Variants in CBLN4 observed in about 807,000 individuals in gnomAD.
The protein encoded by CBLN4 is cerebellin 4 precursor, also known as cerebellin-4.
In CBLN4, 7 loss-of-function variants were observed where a neutral mutation model predicts 14.9. The observed-to-expected ratio is 0.47, with a 90% CI of 0.27 to 0.88. The LOEUF is 0.88. CBLN4 is among the 40% of genes least tolerant of loss of function. CBLN4 has a pLI of 0.14. For missense variants in CBLN4, 188 were observed against 256.8 expected (o/e 0.73, Z 1.83); for synonymous variants, 131 against 116.5 (o/e 1.12, Z -0.80).
chr20:55,998,962 G>A (rs887328141), intron 2 of CBLN4, among the ~76,000 whole-genome samples: 1 of 151,508 alleles, frequency 6.6e-6, no homozygotes, highest in African/African-American at 2.4e-5. Flanking sequence ...TTTCTGATTG[G>A]AATTTCCTTA....
In CBLN4 at chr20:55,997,391, A is replaced by G. The variant is rs1481081728; in HGVS notation, c.*1166T>C. The G allele has an allele frequency of 6.6e-6, 1 of 152,566 alleles. No homozygotes were observed. The highest frequency in any genetic ancestry group is 1.5e-5 in the Non-Finnish European group (1 of 68,030). 9.5% of individuals were successfully genotyped at this position (152,566 alleles called of 1,614,324 possible). A position where few individuals can be genotyped will look rare whatever the true frequency, so the allele number is the denominator to read the frequency against. ...GAAGAGACAAAGTAAGAGGAAATAA[A>G]TAATGTAGAATACATATTTCCAAAA... On this transcript the variant is annotated 3_prime_UTR_variant, in exon 3 of 3. Coordinates refer to ENST00000064571, the MANE Select transcript of CBLN4 (RefSeq NM_080617.6).
At chr20:55,999,160 G>A (rs1449343561) in intron 2 of CBLN4, among the ~76,000 whole-genome samples, 1 of 152,164 alleles carries the variant, frequency 6.6e-6, no homozygotes, top group Non-Finnish European at 1.5e-5. Context: ...ACTGACATAA[G>A]AGACCCAGAT....
chr20:56,000,289 C>T (rs944993874), intron 2 of CBLN4, among the ~76,000 whole-genome samples: 1 of 152,166 alleles, frequency 6.6e-6, no homozygotes, highest in African/African-American at 2.4e-5. Flanking sequence ...TAGACTTATT[C>T]TTACTGATTA....
At chr20:56,001,573 G>T (rs1986373535) in intron 1 of CBLN4, among the ~76,000 whole-genome samples, 1 of 152,038 alleles carries the variant, frequency 6.6e-6, no homozygotes, top group Non-Finnish European at 1.5e-5. Context: ...GTCAGCCCTT[G>T]TGGGCTGCCA....
chr20:56,001,900 G>C (rs1375900866), intron 1 of CBLN4, among the ~76,000 whole-genome samples: 2 of 152,056 alleles, frequency 1.3e-5, no homozygotes, highest in Admixed American at 6.5e-5. Flanking sequence ...AAAATAACCA[G>C]GGTTTGTTCC....
At chr20:56,002,214 AT>A (rs967731628) in intron 1 of CBLN4, among the ~76,000 whole-genome samples, 1 of 152,140 alleles carries the variant, frequency 6.6e-6, no homozygotes, top group Non-Finnish European at 1.5e-5. Flanking sequence ...TAAGCATCAG[AT>A]TTTTTTTGTA....
At chr20:55,999,064 C>T (rs1424909497) in intron 2 of CBLN4, among the ~76,000 whole-genome samples, 1 of 152,070 alleles carries the variant, frequency 6.6e-6, no homozygotes, top group African/African-American at 2.4e-5. Context: ...TACTGCTTTA[C>T]TTAACTCTTC....
chr20:56,004,197 C>A lies in CBLN4; in HGVS notation c.-26G>T. ...GGTGAGCCGTGTGGGCAGCCGCAGC[C>A]GGCTGGCGCTGGTGCTCGCCCGCGT... On this transcript the variant is annotated 5_prime_UTR_variant, in exon 1 of 3. Coordinates refer to ENST00000064571, the MANE Select transcript of CBLN4 (RefSeq NM_080617.6). The surrounding 1 kb of genome is among the most constrained non-coding windows in gnomAD (Gnocchi z 6.1). The A allele has an allele frequency of 1.4e-6, 2 of 1,396,302 alleles. No individual in the cohort carries two copies. Among genetic ancestry groups the A allele is most frequent in the Non-Finnish European group, 1.8e-6 (2 of 1,082,666 alleles). 86.5% of individuals were successfully genotyped at this position (1,396,302 alleles called of 1,614,324 possible). A position where few individuals can be genotyped will look rare whatever the true frequency, so the allele number is the denominator to read the frequency against.
At position 56,004,149 on chromosome 20, in the gene CBLN4, A is replaced by G. The variant is rs1364994440; in HGVS notation, c.23T>C (p.Leu8Pro). 6.4e-7 allele frequency: 1 copy of G among 1,553,638 alleles called. No homozygotes were observed. Among genetic ancestry groups the G allele is most frequent in the East Asian group, 2.4e-5 (1 of 41,594 alleles). Residue 8 changes from leucine to proline, a missense_variant, in exon 1 of 3, where the codon CTG (leucine) becomes CCG (proline). Coordinates refer to ENST00000064571, the MANE Select transcript of CBLN4 (RefSeq NM_080617.6). This position sits in a 1 kb window ranked among gnomAD's most constrained non-coding sequence, Gnocchi z 6.1. MGSGRRALSAVPAVLLVL... is the reference protein window; with the variant it reads MGSGRRAPSAVPAVLLVL... Reference sequence around the variant, plus strand: ...CAGCAGCACGGCCGGCACCGCGGACAGCGCCCGGCGCCCGGAGCCCATGGT... The same window carrying G: ...CAGCAGCACGGCCGGCACCGCGGACGGCGCCCGGCGCCCGGAGCCCATGGT...
intron 1 of CBLN4, among the ~76,000 whole-genome samples, chr20:56,001,668 T>A (rs1188556394): frequency 1.3e-5 from 2 of 152,304 alleles, no homozygotes; most frequent in South Asian, 4.1e-4. Context: ...CTCCTATCAA[T>A]CACCTGCTCT....
Position 56,000,780 on chromosome 20 carries a change from T to C in CBLN4, c.359A>G (p.Tyr120Cys), listed in dbSNP as rs755951385. Residue 120 changes from tyrosine to cysteine, a missense_variant, in exon 2 of 3, where the codon TAC (tyrosine) becomes TGC (cysteine). Tyr to Cys is a radical substitution (Grantham distance 194, BLOSUM62 -2). Transcript: ENST00000064571. ...TTTAATCACGTGAAAACTGAAACTG[T>C]AAATTCCTTTTCTTGGTGCTACAAA... The part of the protein sequence containing the change: ...SVFVAPRKGI[Y>C]SFSFHVIKVY... The C allele has an allele frequency of 1.2e-6, 2 of 1,603,032 alleles. No homozygotes were observed. The highest frequency in any genetic ancestry group is 1.7e-5 in the Admixed American group (1 of 58,574).
chr20:56,001,040 T>G (rs1346852356), intron 1 of CBLN4, among the ~76,000 whole-genome samples, 193 bp from the exon 2 acceptor site: 1 of 152,130 alleles, frequency 6.6e-6, no homozygotes, highest in Non-Finnish European at 1.5e-5. Context: ...TAAGAAATCA[T>G]AGAAAATAAA....
Position 56,004,279 on chromosome 20 carries a change from C to T in CBLN4, c.-108G>A. 8.4e-7 allele frequency: 1 copy of T among 1,187,208 alleles called. No homozygotes were observed. Among genetic ancestry groups the T allele is most frequent in the South Asian group, 1.9e-5 (1 of 53,252 alleles). 73.5% of individuals were successfully genotyped at this position (1,187,208 alleles called of 1,614,324 possible). A position where few individuals can be genotyped will look rare whatever the true frequency, so the allele number is the denominator to read the frequency against. Reference sequence around the variant, plus strand: ...AAGATGCTAGCGGCTAGGTCGACAGCGCTGCAGGAGCGACGGCGGCGGCGG... The same window carrying T: ...AAGATGCTAGCGGCTAGGTCGACAGTGCTGCAGGAGCGACGGCGGCGGCGG... On this transcript the variant is annotated 5_prime_UTR_variant, in exon 1 of 3. Coordinates refer to ENST00000064571, the MANE Select transcript of CBLN4 (RefSeq NM_080617.6). The surrounding 1 kb of genome is among the most constrained non-coding windows in gnomAD (Gnocchi z 6.1).
rs1336702004 is a variant in CBLN4 at position 55,998,467 on chromosome 20, G to A, written c.*90C>T. 1.4e-6 allele frequency: 2 copies of A among 1,417,196 alleles called. No homozygotes were observed. Among genetic ancestry groups the A allele is most frequent in the Non-Finnish European group, 2.0e-6 (2 of 1,018,850 alleles). 87.8% of individuals were successfully genotyped at this position (1,417,196 alleles called of 1,614,324 possible). Reference sequence around the variant, plus strand: ...ATCCACCCATGAGAAACCAATAAAAGACATCAATCCAATGATGAAAAAATG... The same window carrying A: ...ATCCACCCATGAGAAACCAATAAAAAACATCAATCCAATGATGAAAAAATG... On this transcript the variant is annotated 3_prime_UTR_variant, in exon 3 of 3. Transcript: ENST00000064571.
chr20:56,005,512 G>A lies in CBLN4; in HGVS notation c.-1341C>T, dbSNP rs1402006535. ...CCTGGCGAGCTCAGGGAAGCCTTGG[G>A]GCGGACCAGAGCCCGTGGGGGCGGC... On this transcript the variant is annotated 5_prime_UTR_variant, in exon 1 of 3. Coordinates refer to ENST00000064571, the MANE Select transcript of CBLN4 (RefSeq NM_080617.6). The A allele has an allele frequency of 1.3e-5, 2 of 152,408 alleles. No individual in the cohort carries two copies. Among genetic ancestry groups the A allele is most frequent in the Middle Eastern group, 3.4e-3 (1 of 296 alleles). 9.4% of individuals were successfully genotyped at this position (152,408 alleles called of 1,614,324 possible).
At chr20:55,999,152 T>C (rs1345080608) in intron 2 of CBLN4, among the ~76,000 whole-genome samples, 1 of 152,216 alleles carries the variant, frequency 6.6e-6, no homozygotes, top group Admixed American at 6.5e-5. Context: ...CTCTGCCCAC[T>C]GACATAAGAG....
intron 2 of CBLN4, among the ~76,000 whole-genome samples, chr20:55,999,418 AC>A (rs1440227944): frequency 2.6e-5 from 4 of 152,166 alleles, no homozygotes; most frequent in Non-Finnish European, 4.4e-5. Flanking sequence ...GGAGTTCAAG[AC>A]CAGCCTGGGC....
In CBLN4 at chr20:56,004,197, C is replaced by G. The variant is rs1388281732; in HGVS notation, c.-26G>C. The G allele has an allele frequency of 7.2e-6, 10 of 1,396,188 alleles. No individual in the cohort carries two copies. Among genetic ancestry groups the G allele is most frequent in the African/African-American group, 1.5e-5 (1 of 65,798 alleles). The allele number at this position is 1,396,188 out of a possible 1,614,324, so 86.5% of individuals were successfully genotyped here. On this transcript the variant is annotated 5_prime_UTR_variant, in exon 1 of 3. Coordinates refer to ENST00000064571, the MANE Select transcript of CBLN4 (RefSeq NM_080617.6). This position sits in a 1 kb window ranked among gnomAD's most constrained non-coding sequence, Gnocchi z 6.1. ...GGTGAGCCGTGTGGGCAGCCGCAGC[C>G]GGCTGGCGCTGGTGCTCGCCCGCGT...
intron 2 of CBLN4, among the ~76,000 whole-genome samples, chr20:55,999,014 C>T (rs563090758): frequency 6.6e-6 from 1 of 152,002 alleles, no homozygotes; most frequent in Non-Finnish European, 1.5e-5. Context: ...CCAACCTAGC[C>T]ATGTGAAAAC....
Sources: gnomAD v4.1 joint callset for allele counts (sites outside exome capture counted in the v4.1 genomes callset) on GRCh38, gnomAD v4.1.1 for gene constraint, Gnocchi (gnomAD v3.1) non-coding constraint, MANE v1.5 for transcripts, NCBI Gene and HGNC (gene_info 2026-07-23, HGNC 2026-07-21) for gene names.